STK17A: variants seen among roughly 807,000 people sequenced by gnomAD.
STK17A encodes the protein serine/threonine-protein kinase 17A.
In STK17A, 26 loss-of-function variants were observed where a neutral mutation model predicts 43.7. The ratio of observed to expected loss-of-function variants is 0.60; its 90% confidence interval spans 0.44 to 0.83. The LOEUF (loss-of-function observed/expected upper bound fraction) is 0.83, where lower values mean the gene tolerates loss of function less well. Ranked by LOEUF, STK17A falls within the 40% of genes least tolerant of loss-of-function variation. The pLI, the probability that STK17A is intolerant of heterozygous loss-of-function variation, is 0.00. For synonymous variants in STK17A, 191 were observed against 182.5 expected (o/e 1.05, Z -0.38); for missense variants, 476 against 511.6 (o/e 0.93, Z 0.67).
At chr7:43,616,853 C>T (rs942267315) in intron 3 of STK17A, among the ~76,000 whole-genome samples, 5 of 152,056 alleles carry the variant, frequency 3.3e-5, no homozygotes, top group African/African-American at 4.8e-5. Flanking sequence ...GCCGAGATCG[C>T]GCCACTGCAC....
At chr7:43,593,578 A>G (rs2082493868) in intron 1 of STK17A, among the ~76,000 whole-genome samples, 1 of 152,162 alleles carries the variant, frequency 6.6e-6, no homozygotes, top group African/African-American at 2.4e-5. Flanking sequence ...TAGCCATTCC[A>G]ACTGCTGTAA....
intron 3 of STK17A, among the ~76,000 whole-genome samples, chr7:43,615,006 C>G (rs1016327758): frequency 6.6e-6 from 1 of 152,118 alleles, no homozygotes; most frequent in African/African-American, 2.4e-5. Context: ...ACAAGAAAAT[C>G]TCAAGATTTG....
In STK17A at chr7:43,627,371, T is replaced by C. The variant is rs1214833999; in HGVS notation, c.*2529T>C. Among the ~76,000 whole-genome samples, 1 of 152,232 alleles carries C rather than the reference T, an allele frequency of 6.6e-6. No homozygotes were observed. Among genetic ancestry groups the C allele is most frequent in the Non-Finnish European group, 1.5e-5 (1 of 68,038 alleles). ...GGAAGAAAAATGTATTAAAGGGTTA[T>C]AAAGATCACTTAGAGAATGTGAGAC... On this transcript the variant is annotated 3_prime_UTR_variant, in exon 7 of 7. Transcript: ENST00000319357.
intron 1 of STK17A, among the ~76,000 whole-genome samples, chr7:43,589,902 ATAATTTTATTT>A (rs1414048793): frequency 3.4e-5 from 5 of 149,226 alleles, no homozygotes; most frequent in Admixed American, 6.7e-5. Flanking sequence ...ATTTTATTTT[ATAATTTTATTT>A]TAATTTTATT....
At chr7:43,603,691 C>G (rs1041016752) in intron 2 of STK17A, among the ~76,000 whole-genome samples, 3 of 152,176 alleles carry the variant, frequency 2.0e-5, no homozygotes, top group Admixed American at 6.5e-5. Flanking sequence ...GATAGAATAA[C>G]TATGCTGGGG....
intron 2 of STK17A, 48 bp from the exon 3 acceptor site, chr7:43,608,208 C>T (rs779874864): frequency 4.5e-5 from 70 of 1,548,532 alleles, no homozygotes; most frequent in Middle Eastern, 3.4e-4. Context: ...TGTAAGTGTT[C>T]GCCATTTCTT....
Position 43,625,256 on chromosome 7 carries a change from A to G in STK17A, c.*414A>G, listed in dbSNP as rs1276494280. The G allele has an allele frequency of 6.5e-6, 1 of 153,756 alleles. No individual in the cohort carries two copies. The highest frequency in any genetic ancestry group is 2.4e-5 in the African/African-American group (1 of 41,502). 9.5% of individuals were successfully genotyped at this position (153,756 alleles called of 1,614,324 possible). ...ATAATGTTTGTTAATGTCTACTAAA[A>G]TTGCTACTTTTTCACTTTGGATTTG... is the stretch of plus-strand genomic sequence containing the variant. On this transcript the variant is annotated 3_prime_UTR_variant, in exon 7 of 7. Transcript: ENST00000319357.
intron 2 of STK17A, among the ~76,000 whole-genome samples, chr7:43,597,955 A>G (rs1468299353): frequency 6.6e-6 from 1 of 152,064 alleles, no homozygotes; most frequent in Non-Finnish European, 1.5e-5. Flanking sequence ...TTACATTTTA[A>G]AAGGGGATTT....
At chr7:43,602,186 TC>T (rs1376613661) in intron 2 of STK17A, among the ~76,000 whole-genome samples, 4 of 152,208 alleles carry the variant, frequency 2.6e-5, no homozygotes, top group African/African-American at 7.2e-5. Context: ...TTTTGTTTTT[TC>T]CTAAGTTATG....
At chr7:43,588,561 G>A (rs1265292116) in intron 1 of STK17A, among the ~76,000 whole-genome samples, 1 of 151,422 alleles carries the variant, frequency 6.6e-6, no homozygotes, top group African/African-American at 2.4e-5. Context: ...ACTTCTTTAC[G>A]TTTAAGACAT....
intron 3 of STK17A, among the ~76,000 whole-genome samples, chr7:43,617,497 A>G (rs1275135472): frequency 6.6e-6 from 1 of 152,018 alleles, no homozygotes; most frequent in Non-Finnish European, 1.5e-5. Context: ...CGGGGAGGAA[A>G]GGAATGGCCA....
At position 43,625,236 on chromosome 7, in the gene STK17A, G is replaced by A. The variant is rs1483370728; in HGVS notation, c.*394G>A. On this transcript the variant is annotated 3_prime_UTR_variant, in exon 7 of 7. Transcript: ENST00000319357. ...ATATGTGTATCTATATCTGCATAATGTTTGTTAATGTCTACTAAAATTGCT... is the reference window on the plus strand; with the variant it reads ...ATATGTGTATCTATATCTGCATAATATTTGTTAATGTCTACTAAAATTGCT... The A allele has an allele frequency of 6.4e-6, 1 of 155,326 alleles. No homozygotes were observed. The highest frequency in any genetic ancestry group is 2.0e-4 in the South Asian group (1 of 4,890). The allele number at this position is 155,326 out of a possible 1,614,324, so 9.6% of individuals were successfully genotyped here. A position where few individuals can be genotyped will look rare whatever the true frequency, so the allele number is the denominator to read the frequency against.
intron 2 of STK17A, among the ~76,000 whole-genome samples, chr7:43,597,939 A>T (rs1462692730): frequency 6.6e-6 from 1 of 152,070 alleles, no homozygotes; most frequent in Non-Finnish European, 1.5e-5. Context: ...AACAAAAAAA[A>T]TTTATTTACA....
chr7:43,586,281 T>A (rs1308842708), intron 1 of STK17A, among the ~76,000 whole-genome samples: 3 of 151,554 alleles, frequency 2.0e-5, no homozygotes, highest in African/African-American at 7.2e-5. Context: ...GGTGCTACTA[T>A]GTTATCACAG....
intron 1 of STK17A, among the ~76,000 whole-genome samples, chr7:43,587,167 T>G (rs1438268215): frequency 6.9e-6 from 1 of 144,560 alleles, no homozygotes; most frequent in African/African-American, 2.5e-5. Flanking sequence ...TTTTTTTTTT[T>G]TTTTTGAGAT....
chr7:43,603,303 A>G (rs1019939838), intron 2 of STK17A, among the ~76,000 whole-genome samples: 9 of 152,108 alleles, frequency 5.9e-5, no homozygotes, highest in African/African-American at 2.2e-4. Context: ...AGTCTTAGAG[A>G]TATACTCTGG....
At chr7:43,604,723 T>C (rs540174339) in intron 2 of STK17A, among the ~76,000 whole-genome samples, 18 of 152,330 alleles carry the variant, frequency 1.2e-4, no homozygotes, top group Middle Eastern at 3.4e-3. Context: ...TTATAGTTTT[T>C]ATCAGATTTG....
intron 4 of STK17A, among the ~76,000 whole-genome samples, chr7:43,620,711 G>C (rs1441542032): frequency 6.6e-6 from 1 of 151,996 alleles, no homozygotes; most frequent in East Asian, 1.9e-4. Flanking sequence ...TAAAATTTCA[G>C]TGGTGAAATA....
intron 2 of STK17A, among the ~76,000 whole-genome samples, chr7:43,607,568 G>A (rs2082614129): frequency 7.0e-6 from 1 of 142,512 alleles, no homozygotes; most frequent in Admixed American, 7.6e-5. Flanking sequence ...AGAATCGATT[G>A]AACCCAGGAG....
Sources: allele counts gnomAD v4.1 joint callset (sites outside exome capture counted in the v4.1 genomes callset), GRCh38; gene constraint gnomAD v4.1.1; transcripts MANE v1.5; gene names NCBI Gene and HGNC (gene_info 2026-07-23, HGNC 2026-07-21).